The following MAGI2 variants were observed in gnomAD, a reference collection of about 807,000 sequenced individuals.
MAGI2 encodes the protein membrane associated guanylate kinase, WW and PDZ domain containing 2, also known as membrane-associated guanylate kinase, WW and PDZ domain-containing protein 2.
A neutral mutation model predicts 133.3 loss-of-function variants in MAGI2; 35 were observed. The ratio of observed to expected loss-of-function variants is 0.26; its 90% CI spans 0.20 to 0.35. MAGI2 has a LOEUF of 0.35. MAGI2 is among the 10% of genes least tolerant of loss of function. The probability of loss-of-function intolerance (pLI) is 1.00; values close to 1 mark genes in which losing one functional copy is unlikely to be tolerated. For synonymous variants in MAGI2, 729 were observed against 710.6 expected (o/e 1.03, Z -0.41); for missense variants, 1,636 against 1,863.4 (o/e 0.88, Z 2.25).
intron 2 of MAGI2, among the ~76,000 whole-genome samples, chr7:78,802,030 A>C (rs1273396510): frequency 2.0e-5 from 3 of 152,170 alleles, no homozygotes; most frequent in Non-Finnish European, 4.4e-5. Flanking sequence ...TCCATTATCA[A>C]GAGTTTTCTG....
intron 2 of MAGI2, among the ~76,000 whole-genome samples, chr7:78,823,031 T>C (rs989431580): frequency 1.3e-5 from 2 of 152,204 alleles, no homozygotes; most frequent in Non-Finnish European, 2.9e-5. Flanking sequence ...CCATTCCTAT[T>C]TTGAGGACAG....
At chr7:78,548,065 T>C (rs1298239539) in intron 3 of MAGI2, among the ~76,000 whole-genome samples, 1 of 152,116 alleles carries the variant, frequency 6.6e-6, no homozygotes, top group Non-Finnish European at 1.5e-5. Context: ...TCCTAACCCC[T>C]TTCTCAAGCT....
At chr7:78,161,698 A>AAAAAAAC (rs1825028146) in intron 15 of MAGI2, among the ~76,000 whole-genome samples, 1 of 150,974 alleles carries the variant, frequency 6.6e-6, no homozygotes, top group Non-Finnish European at 1.5e-5. Context: ...GAAAAAAAAA[A>AAAAAAAC]AGCTGTATTT....
intron 21 of MAGI2, among the ~76,000 whole-genome samples, chr7:78,070,550 G>GTGTATATA (rs1314195032): frequency 9.5e-6 from 1 of 105,804 alleles, no homozygotes; most frequent in African/African-American, 3.9e-5. Flanking sequence ...ATGTATATAT[G>GTGTATATA]TGTATATATG....
intron 1 of MAGI2, among the ~76,000 whole-genome samples, chr7:79,230,879 C>T (rs1376832033): frequency 7.1e-6 from 1 of 141,182 alleles, no homozygotes; most frequent in Non-Finnish European, 1.5e-5. Flanking sequence ...TGCCTATGTC[C>T]TGAATGGTAA....
At chr7:78,737,842 A>G (rs983015127) in intron 2 of MAGI2, among the ~76,000 whole-genome samples, 1 of 152,098 alleles carries the variant, frequency 6.6e-6, no homozygotes, top group South Asian at 2.1e-4. Flanking sequence ...CCACATTTAA[A>G]AAAATATTTT....
At chr7:78,626,924 A>T (rs1584892117) in intron 3 of MAGI2, among the ~76,000 whole-genome samples, 196 bp downstream of exon 3, 1 of 151,302 alleles carries the variant, frequency 6.6e-6, no homozygotes, top group East Asian at 1.9e-4. Flanking sequence ...AAAAATATAT[A>T]TTTTTCTCCA....
intron 9 of MAGI2, among the ~76,000 whole-genome samples, chr7:78,328,190 T>C (rs1377708862): frequency 3.3e-5 from 5 of 152,004 alleles, no homozygotes; most frequent in African/African-American, 1.2e-4. Flanking sequence ...GTTATTTTTT[T>C]TCCAAAGGAA....
chr7:78,819,550 G>A (rs969198280), intron 2 of MAGI2, among the ~76,000 whole-genome samples: 4 of 151,970 alleles, frequency 2.6e-5, no homozygotes, highest in African/African-American at 9.7e-5. Flanking sequence ...AATTGAAACA[G>A]ACTAAAAATA....
chr7:78,377,733 C>T (rs1354251118), intron 6 of MAGI2, among the ~76,000 whole-genome samples: 2 of 151,304 alleles, frequency 1.3e-5, no homozygotes, highest in African/African-American at 4.8e-5. Context: ...AGGGGGTGCT[C>T]ATGAACTAAA....
intron 9 of MAGI2, among the ~76,000 whole-genome samples, chr7:78,313,526 T>C (rs940420432): frequency 5.3e-5 from 8 of 151,788 alleles, no homozygotes; most frequent in African/African-American, 1.5e-4. Flanking sequence ...CAACACAAAA[T>C]ATTAAAATCT....
chr7:79,039,449 A>C (rs1275534114), intron 1 of MAGI2, among the ~76,000 whole-genome samples: 1 of 152,056 alleles, frequency 6.6e-6, no homozygotes, highest in Non-Finnish European at 1.5e-5. Context: ...TACATAGATT[A>C]TTTCTTCTGG....
chr7:78,672,352 G>C (rs1814495446), intron 2 of MAGI2, among the ~76,000 whole-genome samples: 1 of 152,074 alleles, frequency 6.6e-6, no homozygotes, highest in Non-Finnish European at 1.5e-5. Context: ...AGCTTCCTGA[G>C]ATCCTAACCA....
intron 6 of MAGI2, among the ~76,000 whole-genome samples, chr7:78,375,106 G>A (rs574292801): frequency 6.6e-6 from 1 of 152,222 alleles, no homozygotes; most frequent in South Asian, 2.1e-4. Context: ...GCCTCCCAAA[G>A]TGCTGGGATT....
intron 2 of MAGI2, among the ~76,000 whole-genome samples, chr7:78,827,668 A>T (rs530157630): frequency 6.6e-6 from 1 of 152,356 alleles, no homozygotes; most frequent in African/African-American, 2.4e-5. Flanking sequence ...AGTGCTAAAC[A>T]TATAAATTCA....
At position 79,083,811 on chromosome 7, in the gene MAGI2, T is replaced by G. The variant is rs747038514; in HGVS notation, c.302-76605A>C. ...ACATCTGGGCCTGCAATTCTCTTTTTGGGGAGTTTTGTGATTTTTAATAAT... is the reference window on the plus strand; with the variant it reads ...ACATCTGGGCCTGCAATTCTCTTTTGGGGGAGTTTTGTGATTTTTAATAAT... On this transcript the variant is annotated intron_variant, in intron 1 of 21. Transcript: ENST00000354212. 1.9e-3 allele frequency among the ~76,000 whole-genome samples: 287 copies of G among 151,822 alleles called. 1 individual carries two copies. The highest frequency in any genetic ancestry group is 3.4e-3 in the Non-Finnish European group (228 of 67,670).
chr7:79,252,390 A>C (rs1221374135), intron 1 of MAGI2, among the ~76,000 whole-genome samples: 1 of 152,064 alleles, frequency 6.6e-6, no homozygotes, highest in Non-Finnish European at 1.5e-5. Flanking sequence ...CTAAAAATTA[A>C]AACAATTGAA....
intron 4 of MAGI2, among the ~76,000 whole-genome samples, chr7:78,505,263 C>A (rs2150536979): frequency 6.6e-6 from 1 of 152,212 alleles, no homozygotes; most frequent in African/African-American, 2.4e-5. Context: ...ATTAGAAATA[C>A]TTATCTAATA....
chr7:79,164,154 G>T (rs1824698366), intron 1 of MAGI2, among the ~76,000 whole-genome samples: 1 of 152,014 alleles, frequency 6.6e-6, no homozygotes, highest in African/African-American at 2.4e-5. Flanking sequence ...GCCAAGAGGG[G>T]AGACTGAGGA....
Sources: gnomAD v4.1 joint callset for allele counts (sites outside exome capture counted in the v4.1 genomes callset) on GRCh38, gnomAD v4.1.1 for gene constraint, MANE v1.5 for transcripts, NCBI Gene and HGNC (gene_info 2026-07-23, HGNC 2026-07-21) for gene names.